The following CIPC variants were observed in gnomAD, a reference collection of about 807,000 sequenced individuals.
The protein encoded by CIPC is CLOCK-interacting pacemaker.
Under a neutral mutation model 26.7 loss-of-function variants are expected in CIPC, and 12 were observed. That is an observed-to-expected ratio of 0.45 (90% confidence interval 0.29 to 0.73). The LOEUF is 0.73. CIPC is among the 30% of genes least tolerant of loss of function. CIPC has a pLI of 0.12. For synonymous variants in CIPC, 170 were observed against 189.8 expected (o/e 0.90, Z 0.86); for missense variants, 417 against 486.5 (o/e 0.86, Z 1.34).
rs1886779672 is a variant in CIPC at position 77,114,839 on chromosome 14, T to C, written c.*521T>C. 6.4e-6 allele frequency: 1 copy of C among 155,144 alleles called. No individual in the cohort carries two copies. Among genetic ancestry groups the C allele is most frequent in the Non-Finnish European group, 1.4e-5 (1 of 69,792 alleles). 9.6% of individuals were successfully genotyped at this position (155,144 alleles called of 1,614,324 possible). On this transcript the variant is annotated 3_prime_UTR_variant, in exon 4 of 4. Transcript: ENST00000361786. ...TAGTTGGGCGAGACCTAAAATTCCC[T>C]GGGCACAGGTTGCACCTGGGTGTGA...
chr14:77,114,406 C>G lies in CIPC; in HGVS notation c.*88C>G. On this transcript the variant is annotated 3_prime_UTR_variant, in exon 4 of 4. Transcript: ENST00000361786. The stretch of plus-strand genomic sequence containing the variant: ...CTGTTTCCCAAAGCTTATGTAAGAG[C>G]TTTTCCTTCTAAACTTAAACTGTGT... 7.3e-7 allele frequency: 1 copy of G among 1,364,556 alleles called. No homozygotes were observed. The allele number at this position is 1,364,556 out of a possible 1,614,324, so 84.5% of individuals were successfully genotyped here.
At chr14:77,110,071 G>A (rs1412854624) in intron 3 of CIPC, 90 bp downstream of exon 3, 3 of 1,345,818 alleles carry the variant, frequency 2.2e-6, no homozygotes, top group Non-Finnish European at 3.1e-6. Context: ...TCTCTGCCAA[G>A]GAGAGATTTT....
In CIPC at chr14:77,115,749, G is replaced by GA. The variant is rs1185993460; in HGVS notation, c.*1432dup. 1 of 151,216 alleles carries GA rather than the reference G, an allele frequency of 6.6e-6. No homozygotes were observed. Among genetic ancestry groups the GA allele is most frequent in the African/African-American group, 2.4e-5 (1 of 41,042 alleles). The allele number at this position is 151,216 out of a possible 1,614,324, so 9.4% of individuals were successfully genotyped here. ...TTGCCCAGGCGGAGTACAATGGTGG[G>GA]ATCTCGGCTCACTGCAACCTCCGCC... is the stretch of plus-strand genomic sequence containing the variant. On this transcript the variant is annotated 3_prime_UTR_variant, in exon 4 of 4. Transcript: ENST00000361786.
intron 2 of CIPC, among the ~76,000 whole-genome samples, chr14:77,107,073 T>C (rs1886604707): frequency 6.6e-6 from 1 of 152,232 alleles, no homozygotes; most frequent in Non-Finnish European, 1.5e-5. Context: ...AAAACAAGTG[T>C]TTCTGTTGTA....
intron 3 of CIPC, among the ~76,000 whole-genome samples, chr14:77,111,416 CAT>C (rs1048896515): frequency 2.0e-5 from 3 of 152,212 alleles, no homozygotes; most frequent in Non-Finnish European, 4.4e-5. Flanking sequence ...TTTTTAAAAA[CAT>C]ACTAGAATCT....
At chr14:77,109,178 G>A (rs1370932120) in intron 2 of CIPC, among the ~76,000 whole-genome samples, 2 of 152,180 alleles carry the variant, frequency 1.3e-5, no homozygotes, top group Non-Finnish European at 2.9e-5. Flanking sequence ...TGTGTTTTGT[G>A]AAATACACCT....
Position 77,114,509 on chromosome 14 carries a change from C to T in CIPC, c.*191C>T. On this transcript the variant is annotated 3_prime_UTR_variant, in exon 4 of 4. Coordinates refer to ENST00000361786, the MANE Select transcript of CIPC (RefSeq NM_033426.3). ...TAGTCTGGGCACAGGATACATATGTCCCCGTCCCACTGAGGACCTCAGTTT... is the reference window on the plus strand; with the variant it reads ...TAGTCTGGGCACAGGATACATATGTTCCCGTCCCACTGAGGACCTCAGTTT... The T allele has an allele frequency of 5.0e-6, 3 of 595,940 alleles. No individual in the cohort carries two copies. The highest frequency in any genetic ancestry group is 8.7e-6 in the Non-Finnish European group (3 of 345,034). 36.9% of individuals were successfully genotyped at this position (595,940 alleles called of 1,614,324 possible).
intron 1 of CIPC, among the ~76,000 whole-genome samples, chr14:77,102,376 C>T (rs1886508177): frequency 6.6e-6 from 1 of 152,164 alleles, no homozygotes; most frequent in Admixed American, 6.5e-5. Context: ...CAGAAAAAAA[C>T]AAAAAGCAAC....
At chr14:77,109,773 C>G in intron 2 of CIPC, 39 bp from the exon 3 acceptor site, 1 of 1,583,892 alleles carries the variant, frequency 6.3e-7, no homozygotes. Context: ...AGCCCCTAGT[C>G]TAGAGCCTGA....
At position 77,114,515 on chromosome 14, in the gene CIPC, C is replaced by A. The variant is rs1052255997; in HGVS notation, c.*197C>A. 3.5e-6 allele frequency: 2 copies of A among 578,636 alleles called. No individual in the cohort carries two copies. The highest frequency in any genetic ancestry group is 3.7e-5 in the African/African-American group (2 of 53,590). 35.8% of individuals were successfully genotyped at this position (578,636 alleles called of 1,614,324 possible). On this transcript the variant is annotated 3_prime_UTR_variant, in exon 4 of 4. Transcript: ENST00000361786. ...GGGCACAGGATACATATGTCCCCGT[C>A]CCACTGAGGACCTCAGTTTGGGAGT...
chr14:77,107,888 T>C (rs1886622161), intron 2 of CIPC, among the ~76,000 whole-genome samples: 1 of 152,244 alleles, frequency 6.6e-6, no homozygotes, highest in Admixed American at 6.5e-5. Context: ...TTGTCTGTTT[T>C]GGATCCAGAA....
At chr14:77,107,580 A>G (rs1015243154) in intron 2 of CIPC, among the ~76,000 whole-genome samples, 3 of 151,998 alleles carry the variant, frequency 2.0e-5, no homozygotes, top group African/African-American at 4.8e-5. Flanking sequence ...TGAATACCCC[A>G]TATGTCTATC....
At chr14:77,104,469 G>C (rs765809563) in intron 1 of CIPC, among the ~76,000 whole-genome samples, 7 of 152,234 alleles carry the variant, frequency 4.6e-5, no homozygotes, top group Admixed American at 1.3e-4. Context: ...TTGCGTTTAA[G>C]TTAATATCTA....
chr14:77,106,312 C>T (rs1207603883), intron 2 of CIPC, among the ~76,000 whole-genome samples: 2 of 152,190 alleles, frequency 1.3e-5, no homozygotes, highest in South Asian at 2.1e-4. Context: ...TAGAAATGTA[C>T]GCCTCCAACA....
intron 3 of CIPC, 94 bp from the exon 4 acceptor site, chr14:77,113,331 A>ATTG: frequency 1.5e-6 from 2 of 1,327,434 alleles, no homozygotes; most frequent in Non-Finnish European, 1.1e-6. Flanking sequence ...TGTTCTAAGC[A>ATTG]TTTGAGTATC....
At position 77,105,928 on chromosome 14, in the gene CIPC, A is replaced by G; in HGVS notation, c.136+84A>G. ...CCTCCCCAAAACTCATTTATGTGATAAGGATGGGATGCTTTCACACACAGG... is the reference window on the plus strand; with the variant it reads ...CCTCCCCAAAACTCATTTATGTGATGAGGATGGGATGCTTTCACACACAGG... On this transcript the variant is annotated intron_variant, in intron 2 of 3. Transcript: ENST00000361786. The G allele has an allele frequency of 6.6e-6, 10 of 1,519,572 alleles. No individual in the cohort carries two copies. In the South Asian group the frequency reaches 8.3e-5, roughly 13 times the overall value. The allele number at this position is 1,519,572 out of a possible 1,614,324, so 94.1% of individuals were successfully genotyped here. A position where few individuals can be genotyped will look rare whatever the true frequency, so the allele number is the denominator to read the frequency against.
rs1239331520 is a variant in CIPC at position 77,113,912 on chromosome 14, C to T, written c.794C>T (p.Pro265Leu). 1.9e-6 allele frequency: 3 copies of T among 1,614,212 alleles called. No homozygotes were observed. Among genetic ancestry groups the T allele is most frequent in the Non-Finnish European group, 2.5e-6 (3 of 1,180,054 alleles). Residue 265 changes from proline to leucine, a missense_variant, in exon 4 of 4, where the codon CCT becomes CTT. Physicochemically the swap from Pro to Leu is moderately conservative, Grantham distance 98. Transcript: ENST00000361786. Reference protein sequence around the residue: ...PSLTFASPASPVCASDSTLHG... With the variant: ...PSLTFASPASLVCASDSTLHG... ...CTGACCTTCGCTTCCCCCGCCAGTC[C>T]TGTCTGCGCATCAGACAGCACTCTC... is the stretch of plus-strand genomic sequence containing the variant.
At chr14:77,105,543 A>T in intron 1 of CIPC, 114 bp from the exon 2 acceptor site, 1 of 632,670 alleles carries the variant, frequency 1.6e-6, no homozygotes, top group Non-Finnish European at 2.6e-6. Flanking sequence ...AACCTCTGAG[A>T]AAATAAAGCT....
chr14:77,099,162 A>G (rs1464989137), intron 1 of CIPC: 1 of 152,624 alleles, frequency 6.6e-6, no homozygotes, highest in Non-Finnish European at 1.5e-5. Flanking sequence ...GAGGGTGCAC[A>G]TGCTGCCTGG....
Sources: allele counts gnomAD v4.1 joint callset (sites outside exome capture counted in the v4.1 genomes callset), GRCh38; gene constraint gnomAD v4.1.1; transcripts MANE v1.5; gene names NCBI Gene and HGNC (gene_info 2026-07-23, HGNC 2026-07-21).